Variants in PEAK1 observed in about 807,000 individuals in gnomAD.
PEAK1 encodes the protein pseudopodium enriched atypical kinase 1, also known as inactive tyrosine-protein kinase PEAK1.
PEAK1 carries 54 observed loss-of-function variants against 124.7 expected under a neutral mutation model. The observed-to-expected ratio is 0.43, with a 90% CI of 0.35 to 0.54. The LOEUF is 0.54. Ranked by LOEUF, PEAK1 falls within the 20% of genes least tolerant of loss-of-function variation. PEAK1 has a pLI of 0.01. For missense variants in PEAK1, 2,046 were observed against 2,134.5 expected (o/e 0.96, Z 0.82); for synonymous variants, 719 against 760.0 (o/e 0.95, Z 0.89).
chr15:77,314,926 C>T (rs1262668327), intron 2 of PEAK1, among the ~76,000 whole-genome samples: 1 of 152,086 alleles, frequency 6.6e-6, no homozygotes, highest in Non-Finnish European at 1.5e-5. Flanking sequence ...GGAGCAAGAG[C>T]TGAAAAACTA....
intron 8 of PEAK1, among the ~76,000 whole-genome samples, chr15:77,145,979 AT>A (rs2054149522): frequency 6.6e-6 from 1 of 152,218 alleles, no homozygotes; most frequent in Non-Finnish European, 1.5e-5. Context: ...TTATCTTCCT[AT>A]TTAAACTATA....
At chr15:77,361,758 A>G (rs752095388) in intron 2 of PEAK1, among the ~76,000 whole-genome samples, 2 of 152,208 alleles carry the variant, frequency 1.3e-5, no homozygotes, top group Non-Finnish European at 2.9e-5. Flanking sequence ...CATTATATCA[A>G]AGAGACATTT....
intron 6 of PEAK1, among the ~76,000 whole-genome samples, chr15:77,202,126 G>A (rs1374105431): frequency 3.9e-5 from 6 of 152,078 alleles, no homozygotes. Flanking sequence ...TTAGTCTTTT[G>A]GATGCAGTTT....
chr15:77,287,743 A>G (rs956387611), intron 2 of PEAK1, among the ~76,000 whole-genome samples: 6 of 152,190 alleles, frequency 3.9e-5, no homozygotes, highest in Non-Finnish European at 7.4e-5. Flanking sequence ...AACTGAAGGT[A>G]CTATAGGCAA....
chr15:77,314,006 G>GATATGAT (rs2064707482), intron 2 of PEAK1, among the ~76,000 whole-genome samples: 1 of 152,036 alleles, frequency 6.6e-6, no homozygotes, highest in Non-Finnish European at 1.5e-5. Context: ...AAGTCATGCT[G>GATATGAT]ACAGTATATA....
chr15:77,352,679 A>G (rs2067279675), intron 2 of PEAK1: 1 of 948,770 alleles, frequency 1.1e-6, no homozygotes, highest in African/African-American at 1.8e-5. Context: ...ATAGAGTATT[A>G]ACCTGAAATT....
At chr15:77,216,630 C>A (rs1369553203) in intron 6 of PEAK1, among the ~76,000 whole-genome samples, 2 of 152,188 alleles carry the variant, frequency 1.3e-5, no homozygotes, top group Non-Finnish European at 2.9e-5. Flanking sequence ...CACTGGCAGT[C>A]CATTCACACT....
At position 77,114,776 on chromosome 15, in the gene PEAK1, G is replaced by A. The variant is rs2051206656; in HGVS notation, c.4621C>T (p.Pro1541Ser). 1 of 1,612,950 alleles carries A rather than the reference G, an allele frequency of 6.2e-7. No homozygotes were observed. The highest frequency in any genetic ancestry group is 8.5e-7 in the Non-Finnish European group (1 of 1,179,888). Reference sequence around the variant, plus strand: ...GTGGGATAAGATGAGGTGGGGCTGGGCTCTGCAGGCCCAAAGCCTTGGGCA... The same window carrying A: ...GTGGGATAAGATGAGGTGGGGCTGGACTCTGCAGGCCCAAAGCCTTGGGCA... ...GTAQGFGPAEPSPTSSYPTRL... is the reference protein window; with the variant it reads ...GTAQGFGPAESSPTSSYPTRL... The change falls in exon 10 of 10, where the codon CCC becomes TCC. Residue 1541 changes from proline to serine, a missense_variant. By Grantham distance (74) the Pro-to-Ser change is moderately conservative (BLOSUM62 -1). Transcript: ENST00000682557.
At chr15:77,126,238 A>G (rs1209042370) in intron 9 of PEAK1, among the ~76,000 whole-genome samples, 1 of 152,208 alleles carries the variant, frequency 6.6e-6, no homozygotes, top group African/African-American at 2.4e-5. Context: ...GACATTTAAA[A>G]AATGTTTTTC....
chr15:77,220,533 A>C (rs947050664), intron 6 of PEAK1, among the ~76,000 whole-genome samples: 11 of 151,902 alleles, frequency 7.2e-5, no homozygotes, highest in South Asian at 2.1e-4. Context: ...AAAAAAAAAA[A>C]AAAACGGTGA....
intron 8 of PEAK1, chr15:77,157,217 G>A (rs748620519): frequency 2.6e-5 from 4 of 152,202 alleles, no homozygotes; most frequent in African/African-American, 2.4e-5. Context: ...AAAGGACAAA[G>A]AAGAAAGGAG....
intron 8 of PEAK1, among the ~76,000 whole-genome samples, chr15:77,139,151 C>G (rs2053574228): frequency 2.0e-5 from 3 of 152,172 alleles, no homozygotes; most frequent in Non-Finnish European, 4.4e-5. Context: ...TGACAAAGGC[C>G]TACACAGGGT....
intron 6 of PEAK1, among the ~76,000 whole-genome samples, chr15:77,202,061 A>G (rs2058389001): frequency 6.6e-6 from 1 of 152,190 alleles, no homozygotes; most frequent in Non-Finnish European, 1.5e-5. Flanking sequence ...GCAGTCTTCT[A>G]GTTAAAGCTG....
chr15:77,259,922 A>G (rs1352330773), intron 5 of PEAK1, among the ~76,000 whole-genome samples: 1 of 152,202 alleles, frequency 6.6e-6, no homozygotes, highest in Non-Finnish European at 1.5e-5. Context: ...ATTCCAGAGA[A>G]GAGGGAGACA....
chr15:77,146,382 C>T (rs2054176734), intron 8 of PEAK1, among the ~76,000 whole-genome samples: 1 of 152,138 alleles, frequency 6.6e-6, no homozygotes, highest in Admixed American at 6.5e-5. Flanking sequence ...GGTTTAGCCT[C>T]AAATAAACAG....
intron 6 of PEAK1, among the ~76,000 whole-genome samples, chr15:77,194,365 A>T (rs758420022): frequency 5.9e-5 from 9 of 152,182 alleles, no homozygotes; most frequent in Non-Finnish European, 1.2e-4. Flanking sequence ...AATTGTTCTC[A>T]GTTGCATATA....
At chr15:77,336,173 G>A in intron 2 of PEAK1, 1 of 985,420 alleles carries the variant, frequency 1.0e-6, no homozygotes, top group Non-Finnish European at 1.2e-6. Flanking sequence ...GCACCTACTT[G>A]TTCTACAACC....
intron 1 of PEAK1, among the ~76,000 whole-genome samples, chr15:77,412,528 C>G (rs1267886141): frequency 6.6e-6 from 1 of 152,074 alleles, no homozygotes; most frequent in African/African-American, 2.4e-5. Context: ...AAAACATATC[C>G]AGTTAGAGTC....
intron 2 of PEAK1, among the ~76,000 whole-genome samples, chr15:77,357,582 T>A (rs759078825): frequency 2.5e-4 from 38 of 152,160 alleles, no homozygotes; most frequent in Non-Finnish European, 4.1e-4. Flanking sequence ...TTAAAAAAAG[T>A]AAGAAGCAAA....
Sources: gnomAD v4.1 joint callset for allele counts (sites outside exome capture counted in the v4.1 genomes callset) on GRCh38, gnomAD v4.1.1 for gene constraint, MANE v1.5 for transcripts, NCBI Gene and HGNC (gene_info 2026-07-23, HGNC 2026-07-21) for gene names.